The following ASTN1 variants were observed in gnomAD, a reference collection of about 807,000 sequenced individuals.
The protein encoded by ASTN1 is astrotactin 1.
ASTN1 carries 41 observed loss-of-function variants against 140.7 expected under a neutral mutation model. The observed-to-expected ratio is 0.29, with a 90% CI of 0.23 to 0.38. The LOEUF is 0.38. ASTN1 is among the 10% of genes least tolerant of loss of function. The pLI is 1.00. For missense variants in ASTN1, 1,479 were observed against 1,678.8 expected, an observed-to-expected ratio of 0.88 and a Z score of 2.08; for synonymous variants, 640 against 652.2, an observed-to-expected ratio of 0.98 and a Z score of 0.29.
chr1:177,101,352 T>C (rs964198209), intron 1 of ASTN1, among the ~76,000 whole-genome samples: 4 of 152,190 alleles, frequency 2.6e-5, no homozygotes, highest in African/African-American at 9.6e-5. Context: ...ATTCACACAA[T>C]GAAATGCTAT....
Position 177,149,832 on chromosome 1 carries a change from TAGTAAATATATATACAGTGTATATAC to T in ASTN1, c.283+14536_283+14561del, listed in dbSNP as rs1451107707. 1.6e-4 allele frequency among the ~76,000 whole-genome samples: 21 copies of T among 127,926 alleles called. 2 individuals are homozygous for T. The highest frequency in any genetic ancestry group is 5.4e-4 in the African/African-American group (17 of 31,440). The allele number at this position is 127,926 out of a possible 152,430, so 83.9% of individuals were successfully genotyped here. A position where few individuals can be genotyped will look rare whatever the true frequency, so the allele number is the denominator to read the frequency against. On this transcript the variant is annotated intron_variant, in intron 1 of 22. Coordinates refer to ENST00000361833, the MANE Select transcript of ASTN1 (RefSeq NM_004319.3). ...TAAATATATATACAGTGTATATACATAGTAAATATATATACAGTGTATATACATAGTAAATATATATACAGTGTATA... is the reference window on the plus strand; with the variant it reads ...TAAATATATATACAGTGTATATACATATAGTAAATATATATACAGTGTATA...
chr1:176,934,383 T>A, intron 15 of ASTN1, 43 bp from the exon 16 acceptor site: 1 of 1,542,404 alleles, frequency 6.5e-7, no homozygotes, highest in Non-Finnish European at 8.8e-7. Flanking sequence ...AGGGCTCAGA[T>A]TTTGGGTATA....
intron 20 of ASTN1, among the ~76,000 whole-genome samples, chr1:176,882,049 A>T (rs1006926925): frequency 2.6e-5 from 4 of 152,212 alleles, no homozygotes; most frequent in Non-Finnish European, 5.9e-5. Flanking sequence ...TTCTATCATT[A>T]TCTCTCCTTT....
intron 16 of ASTN1, among the ~76,000 whole-genome samples, chr1:176,908,132 AACACAC>A (rs10669124): frequency 0.31 from 46,612 of 149,612 alleles, 8,471 homozygotes; most frequent in East Asian, 0.71. Context: ...TCTCTTATGC[AACACAC>A]ACACACACAC....
chr1:176,960,356 T>C (rs1331197075), intron 9 of ASTN1, among the ~76,000 whole-genome samples: 1 of 152,212 alleles, frequency 6.6e-6, no homozygotes, highest in Non-Finnish European at 1.5e-5. Context: ...AAATAAAATT[T>C]TGTTTTCTAT....
At chr1:177,043,258 C>T (rs1043517510) in intron 2 of ASTN1, among the ~76,000 whole-genome samples, 1 of 152,126 alleles carries the variant, frequency 6.6e-6, no homozygotes, top group East Asian at 1.9e-4. Context: ...CTAAGAAGAA[C>T]AATAAACATT....
At chr1:177,138,090 C>A (rs1267271611) in intron 1 of ASTN1, among the ~76,000 whole-genome samples, 1 of 152,132 alleles carries the variant, frequency 6.6e-6, no homozygotes, top group Non-Finnish European at 1.5e-5. Context: ...AGCTCCAGAC[C>A]TGGTGCTCAG....
intron 8 of ASTN1, among the ~76,000 whole-genome samples, chr1:176,970,099 G>T (rs1420118574): frequency 2.6e-5 from 4 of 152,190 alleles, no homozygotes; most frequent in Non-Finnish European, 5.9e-5. Context: ...TCTATTCAGA[G>T]TCTTCTCTAA....
At chr1:177,023,629 G>C in intron 6 of ASTN1, 58 bp from the exon 7 acceptor site, 2 of 1,464,152 alleles carry the variant, frequency 1.4e-6, no homozygotes, top group Non-Finnish European at 1.8e-6. Context: ...ACGTCCACAA[G>C]CCACCGAAGA....
intron 15 of ASTN1, among the ~76,000 whole-genome samples, chr1:176,935,176 C>A (rs1215890558): frequency 1.6e-4 from 24 of 152,158 alleles, no homozygotes; most frequent in Non-Finnish European, 1.3e-4. Context: ...TTTCTACGTA[C>A]CTGTCTCCTA....
At chr1:177,125,889 A>G (rs906473497) in intron 1 of ASTN1, among the ~76,000 whole-genome samples, 1 of 152,180 alleles carries the variant, frequency 6.6e-6, no homozygotes, top group Non-Finnish European at 1.5e-5. Flanking sequence ...CACCCACTAT[A>G]TTAAGTAATA....
intron 11 of ASTN1, among the ~76,000 whole-genome samples, chr1:176,951,434 G>A (rs1672187490): frequency 6.6e-6 from 1 of 152,246 alleles, no homozygotes; most frequent in African/African-American, 2.4e-5. Context: ...GTTGCCATGA[G>A]TTTGGTTTAT....
intron 1 of ASTN1, among the ~76,000 whole-genome samples, chr1:177,082,165 C>G (rs934452767): frequency 3.9e-5 from 6 of 152,124 alleles, no homozygotes; most frequent in African/African-American, 1.4e-4. Context: ...AAATTCTTGT[C>G]TAAAGGCATG....
Position 177,157,294 on chromosome 1 carries a change from TTTGTTG to T in ASTN1, c.283+7094_283+7099del, listed in dbSNP as rs140297923. ...TTTCCATAAAGCTAAAACTGTTCTT[TTTGTTG>T]TTGTTGTTGTTGTTGTTGTTTGTTT... On this transcript the variant is annotated intron_variant, in intron 1 of 22. Coordinates refer to ENST00000361833, the MANE Select transcript of ASTN1 (RefSeq NM_004319.3). Among the ~76,000 whole-genome samples, 26 of 151,918 alleles carry T rather than the reference TTTGTTG, an allele frequency of 1.7e-4. 1 individual carries two copies. The highest frequency in any genetic ancestry group is 4.2e-4 in the South Asian group (2 of 4,790).
chr1:177,089,953 G>A (rs1036363890), intron 1 of ASTN1, among the ~76,000 whole-genome samples: 4 of 151,948 alleles, frequency 2.6e-5, no homozygotes, highest in Non-Finnish European at 5.9e-5. Flanking sequence ...ACCATCAGTT[G>A]TCAATATGTT....
rs1289068930 is a variant in ASTN1, at chr1:176,862,975, G to A, written c.*1309C>T. The A allele has an allele frequency of 1.0e-6, 1 of 985,310 alleles. No individual in the cohort carries two copies. The highest frequency in any genetic ancestry group is 1.7e-5 in the African/African-American group (1 of 57,248). 61.0% of individuals were successfully genotyped at this position (985,310 alleles called of 1,614,324 possible). On this transcript the variant is annotated 3_prime_UTR_variant, in exon 23 of 23. Transcript: ENST00000361833. ...GTGTGTTCAGGCCACTGAGTTGTGT[G>A]GGACAGCTAAGGCCATTGCTAGTCA...
chr1:177,046,035 C>A (rs1215887365), intron 2 of ASTN1, among the ~76,000 whole-genome samples: 4 of 152,172 alleles, frequency 2.6e-5, no homozygotes, highest in Admixed American at 2.6e-4. Flanking sequence ...AGAAGTTCTT[C>A]TTAACTTCAT....
chr1:177,100,640 T>A (rs981955970), intron 1 of ASTN1, among the ~76,000 whole-genome samples: 1 of 152,152 alleles, frequency 6.6e-6, no homozygotes, highest in Non-Finnish European at 1.5e-5. Context: ...AAACTAACTA[T>A]TGTGATGGAA....
intron 11 of ASTN1, among the ~76,000 whole-genome samples, chr1:176,953,974 A>G (rs1229989296): frequency 6.6e-6 from 1 of 152,198 alleles, no homozygotes; most frequent in Non-Finnish European, 1.5e-5. Context: ...ATCATTTTCA[A>G]AGATTCAAAC....
Sources: allele counts gnomAD v4.1 joint callset (sites outside exome capture counted in the v4.1 genomes callset), GRCh38; gene constraint gnomAD v4.1.1; transcripts MANE v1.5; gene names NCBI Gene and HGNC (gene_info 2026-07-23, HGNC 2026-07-21).